Variants in LRRC75A observed in about 807,000 individuals in gnomAD.
LRRC75A encodes the protein leucine rich repeat containing 75A.
Under a neutral mutation model 26.0 loss-of-function variants are expected in LRRC75A, and 12 were observed. The ratio of observed to expected loss-of-function variants is 0.46; its 90% confidence interval spans 0.30 to 0.75. The LOEUF (loss-of-function observed/expected upper bound fraction) is 0.75. Ranked by LOEUF, LRRC75A falls within the 30% of genes least tolerant of loss-of-function variation. The probability of loss-of-function intolerance (pLI) is 0.08; values close to 1 mark genes in which losing one functional copy is unlikely to be tolerated. For synonymous variants in LRRC75A, 223 were observed against 219.3 expected (o/e 1.02, Z -0.15); for missense variants, 410 against 486.6 (o/e 0.84, Z 1.48).
chr17:16,453,275 T>G, intron 2 of LRRC75A, among the ~76,000 whole-genome samples: 1 of 150,712 alleles, frequency 6.6e-6, no homozygotes, highest in Non-Finnish European at 1.5e-5. Context: ...GGCGCCAGAG[T>G]GGGACTGGTG....
At position 16,443,800 on chromosome 17, in the gene LRRC75A, A is replaced by T. The variant is rs1313057052; in HGVS notation, c.823T>A (p.Phe275Ile). The change falls in exon 4 of 4, where the codon TTC becomes ATC. Residue 275 changes from phenylalanine (F) to isoleucine (I), a missense_variant. Coordinates refer to ENST00000470794, the MANE Select transcript of LRRC75A (RefSeq NM_001113567.3). The stretch of plus-strand genomic sequence containing the variant: ...AGCAGGAAGGGCTGGGGCAAGGAGA[A>T]GATGTCCACGTTGTTGCCCAGGTCA... The part of the protein sequence containing the change: ...WIDLGNNVDI[F>I]SLPQPFLLSL... 3.7e-6 allele frequency: 6 copies of T among 1,613,758 alleles called. No homozygotes were observed. Among genetic ancestry groups the T allele is most frequent in the Non-Finnish European group, 5.1e-6 (6 of 1,179,778 alleles).
At chr17:16,460,970 C>T (rs1230727988) in intron 2 of LRRC75A, 1 of 152,660 alleles carries the variant, frequency 6.6e-6, no homozygotes, top group Non-Finnish European at 1.5e-5. Flanking sequence ...TGGCACCAAT[C>T]AGGCCTCGAG....
chr17:16,444,286 C>G (rs1167252507), intron 3 of LRRC75A, among the ~76,000 whole-genome samples, 155 bp from the exon 4 acceptor site: 2 of 152,232 alleles, frequency 1.3e-5, no homozygotes, highest in Non-Finnish European at 2.9e-5. Flanking sequence ...GTGGGAGCAA[C>G]CAGGGACCTC....
chr17:16,489,852 T>C (rs1174542137), intron 1 of LRRC75A, among the ~76,000 whole-genome samples: 1 of 152,184 alleles, frequency 6.6e-6, no homozygotes, highest in Non-Finnish European at 1.5e-5. Context: ...GGGGGAAGTC[T>C]GATAAGCCCC....
At position 16,465,220 on chromosome 17, in the gene LRRC75A, G is replaced by C. The variant is rs557901372; in HGVS notation, c.247-2834C>G. Among the ~76,000 whole-genome samples, 3 of 152,312 alleles carry C rather than the reference G, an allele frequency of 2.0e-5. No homozygotes were observed. The East Asian group carries it at 5.8e-4, about 29-fold the overall frequency. On this transcript the variant is annotated intron_variant, in intron 1 of 3. Coordinates refer to ENST00000470794, the MANE Select transcript of LRRC75A (RefSeq NM_001113567.3). The stretch of plus-strand genomic sequence containing the variant: ...ACCCCTCTCCTCTGTGAGCACCCCT[G>C]GCACCTAGTGGTCTCCCCCTTACAA...
intron 1 of LRRC75A, among the ~76,000 whole-genome samples, chr17:16,489,850 T>A (rs1402860322): frequency 6.6e-6 from 1 of 152,078 alleles, no homozygotes; most frequent in East Asian, 1.9e-4. Flanking sequence ...AAGGGGGAAG[T>A]CTGATAAGCC....
At chr17:16,447,166 T>G (rs1406500321) in intron 3 of LRRC75A, 8 of 235,884 alleles carry the variant, frequency 3.4e-5, no homozygotes, top group Non-Finnish European at 7.1e-5. Flanking sequence ...CCCCTCTACT[T>G]GCTTCCTACG....
intron 2 of LRRC75A, among the ~76,000 whole-genome samples, chr17:16,453,713 C>T (rs1024002783): frequency 1.3e-5 from 2 of 152,098 alleles, no homozygotes; most frequent in Non-Finnish European, 2.9e-5. Flanking sequence ...AGCATGGCGC[C>T]GGGGCCAGCA....
intron 1 of LRRC75A, among the ~76,000 whole-genome samples, chr17:16,482,964 G>A (rs1449770197): frequency 6.6e-6 from 1 of 152,240 alleles, no homozygotes; most frequent in Non-Finnish European, 1.5e-5. Flanking sequence ...GGTCTCTGTG[G>A]ACAGGACAGA....
intron 1 of LRRC75A, among the ~76,000 whole-genome samples, chr17:16,481,442 A>T (rs2093833679): frequency 6.6e-6 from 1 of 152,192 alleles, no homozygotes; most frequent in Admixed American, 6.5e-5. Context: ...AGGAAGTAAC[A>T]TCCCTACGGG....
At chr17:16,474,170 G>GC (rs2093814141) in intron 1 of LRRC75A, among the ~76,000 whole-genome samples, 2 of 100,682 alleles carry the variant, frequency 2.0e-5, no homozygotes, top group African/African-American at 1.0e-4. Flanking sequence ...GTGGCTGACG[G>GC]TGGGGGACAG....
rs2093702985 is a variant in LRRC75A, at chr17:16,458,540, A to G, written c.375+3718T>C. 3.3e-5 allele frequency among the ~76,000 whole-genome samples: 5 copies of G among 151,378 alleles called. No homozygotes were observed. In the South Asian group the frequency reaches 1.1e-3, roughly 32 times the overall value. On this transcript the variant is annotated intron_variant, in intron 2 of 3. Transcript: ENST00000470794. ...GAGTGCAATGGCGCGATCTCAGCTC[A>G]CGGCAACCTCCGCCTGCCGGGTTCC...
intron 2 of LRRC75A, among the ~76,000 whole-genome samples, chr17:16,457,047 G>A (rs138425270): frequency 6.6e-5 from 10 of 152,256 alleles, no homozygotes; most frequent in Admixed American, 3.9e-4. Context: ...GAAAGATGAC[G>A]TGCTGACCTG....
At chr17:16,480,687 GTAAC>G (rs1170087310) in intron 1 of LRRC75A, among the ~76,000 whole-genome samples, 2 of 150,360 alleles carry the variant, frequency 1.3e-5, no homozygotes, top group African/African-American at 4.9e-5. Context: ...TACACTCAAG[GTAAC>G]TATGCTCCCC....
intron 1 of LRRC75A, among the ~76,000 whole-genome samples, chr17:16,481,889 T>C (rs1199488885): frequency 2.0e-5 from 3 of 152,080 alleles, no homozygotes; most frequent in Non-Finnish European, 4.4e-5. Context: ...CCTGTTCCCC[T>C]GATTCCCCCA....
At chr17:16,452,986 G>C (rs895969598) in intron 2 of LRRC75A, among the ~76,000 whole-genome samples, 1 of 152,032 alleles carries the variant, frequency 6.6e-6, no homozygotes, top group Non-Finnish European at 1.5e-5. Context: ...CTGGGCAGCT[G>C]AGCCTTAAAA....
chr17:16,447,782 G>A, intron 3 of LRRC75A, 63 bp downstream of exon 3: 1 of 1,274,640 alleles, frequency 7.8e-7, no homozygotes, highest in Non-Finnish European at 1.1e-6. Context: ...TACATCCCTG[G>A]GAGGGGTGCC....
intron 1 of LRRC75A, among the ~76,000 whole-genome samples, chr17:16,476,926 G>A (rs2093821716): frequency 6.6e-6 from 1 of 151,828 alleles, no homozygotes; most frequent in Admixed American, 6.6e-5. Context: ...TTTTAGTAGA[G>A]ACGGGGTTTC....
At chr17:16,488,365 T>C (rs915738587) in intron 1 of LRRC75A, among the ~76,000 whole-genome samples, 1 of 152,154 alleles carries the variant, frequency 6.6e-6, no homozygotes, top group African/African-American at 2.4e-5. Context: ...CCTGGCCAGG[T>C]AGATGGAATC....
Sources: allele counts gnomAD v4.1 joint callset (sites outside exome capture counted in the v4.1 genomes callset), GRCh38; gene constraint gnomAD v4.1.1; transcripts MANE v1.5; gene names NCBI Gene and HGNC (gene_info 2026-07-23, HGNC 2026-07-21).